TPRG1: variants seen among roughly 807,000 people sequenced by gnomAD.
TPRG1 encodes the protein tumor protein p63-regulated gene 1 protein.
Under a neutral mutation model 29.3 loss-of-function variants are expected in TPRG1, and 29 were observed. The ratio of observed to expected loss-of-function variants is 0.99; its 90% confidence interval spans 0.74 to 1.35. TPRG1 has a LOEUF of 1.35. Ranked by LOEUF, TPRG1 falls within the 40% of genes most tolerant of loss-of-function variation. TPRG1 has a pLI of 0.00. For missense variants in TPRG1, 327 were observed against 335.0 expected (o/e 0.98, Z 0.19); for synonymous variants, 130 against 116.8 (o/e 1.11, Z -0.73).
chr3:189,185,282 A>T (rs1361475850), intron 1 of TPRG1, among the ~76,000 whole-genome samples: 1 of 151,974 alleles, frequency 6.6e-6, no homozygotes, highest in Non-Finnish European at 1.5e-5. Flanking sequence ...GGAGTGCAGT[A>T]GCACAATCAC....
At chr3:189,272,897 C>CAGAA (rs1473520650) in intron 4 of TPRG1, among the ~76,000 whole-genome samples, 1 of 152,066 alleles carries the variant, frequency 6.6e-6, no homozygotes, top group Non-Finnish European at 1.5e-5. Flanking sequence ...GCTAGAGACT[C>CAGAA]TTCTATTTCT....
At chr3:189,296,209 T>C (rs1023630058) in intron 4 of TPRG1, among the ~76,000 whole-genome samples, 3 of 152,212 alleles carry the variant, frequency 2.0e-5, no homozygotes, top group Admixed American at 2.0e-4. Context: ...TTGTGAAAGA[T>C]CAGGTGCCAA....
intron 4 of TPRG1, among the ~76,000 whole-genome samples, chr3:189,305,308 A>G (rs1266497833): frequency 6.6e-6 from 1 of 152,232 alleles, no homozygotes; most frequent in Non-Finnish European, 1.5e-5. Flanking sequence ...ACTGACTGGC[A>G]TATTTTCTAG....
chr3:189,195,264 CT>C (rs1423611696), intron 1 of TPRG1, among the ~76,000 whole-genome samples: 3 of 152,072 alleles, frequency 2.0e-5, no homozygotes, highest in Non-Finnish European at 4.4e-5. Flanking sequence ...AAGGGAACTA[CT>C]TCAATTTAGA....
At chr3:189,106,369 A>C (rs371667719) in intron 1 of TPRG1, among the ~76,000 whole-genome samples, 1 of 152,076 alleles carries the variant, frequency 6.6e-6, no homozygotes, top group East Asian at 1.9e-4. Context: ...CAAATCTCTG[A>C]AAAGCTTTTT....
rs747043329 is a variant in TPRG1 at position 189,215,301 on chromosome 3, A to G, written c.220A>G (p.Ile74Val). ...RKYFATRPGA[I>V]ETAMEDLKGH... ...TCTCCTTTCCACACAGCCGGGGGCC[A>G]TTGAGACTGCCATGGAAGACTTGAA... The change falls in exon 3 of 6, where the codon ATT becomes GTT. Residue 74 changes from isoleucine (I) to valine (V), a missense_variant. Transcript: ENST00000345063. The G allele has an allele frequency of 3.7e-6, 6 of 1,612,422 alleles. No homozygotes were observed. The highest frequency in any genetic ancestry group is 5.1e-6 in the Non-Finnish European group (6 of 1,179,322).
At chr3:189,217,376 A>G (rs1736232010) in intron 3 of TPRG1, among the ~76,000 whole-genome samples, 2 of 152,172 alleles carry the variant, frequency 1.3e-5, no homozygotes, top group South Asian at 4.1e-4. Context: ...TGTGGTACCT[A>G]TTTAAATTAA....
chr3:189,227,009 A>C (rs192786998), intron 3 of TPRG1, among the ~76,000 whole-genome samples: 1 of 152,030 alleles, frequency 6.6e-6, no homozygotes, highest in South Asian at 2.1e-4. Flanking sequence ...TACTCACTCA[A>C]CATGAAAGAA....
rs1189724629 is a variant in TPRG1 at position 189,009,905 on chromosome 3, C to A, written c.-660+5145C>A. ...GCAGATCATCCCATCACCCAGGTAT[C>A]AAGCCCAGCATCCACTAGCTATTTT... On this transcript the variant is annotated intron_variant, in intron 3 of 10. Transcript: ENST00000433971. Among the ~76,000 whole-genome samples, 5 of 151,988 alleles carry A rather than the reference C, an allele frequency of 3.3e-5. No individual in the cohort carries two copies. The East Asian group carries it at 7.8e-4, about 24-fold the overall frequency.
intron 3 of TPRG1, among the ~76,000 whole-genome samples, chr3:189,135,736 A>G (rs1432966272): frequency 6.6e-6 from 1 of 152,210 alleles, no homozygotes; most frequent in Non-Finnish European, 1.5e-5. Context: ...TCCTCAGAGC[A>G]TCTTCTGGAA....
intron 4 of TPRG1, among the ~76,000 whole-genome samples, chr3:189,239,805 G>A (rs1376707741): frequency 6.6e-6 from 1 of 152,172 alleles, no homozygotes; most frequent in African/African-American, 2.4e-5. Context: ...GTGGTGAGGT[G>A]TGTCAACTGT....
intron 3 of TPRG1, among the ~76,000 whole-genome samples, chr3:189,020,586 G>T (rs1031502318): frequency 6.6e-6 from 1 of 151,560 alleles, no homozygotes; most frequent in African/African-American, 2.4e-5. Context: ...TTGCACTGAG[G>T]TCTGAGAGAT....
intron 1 of TPRG1, among the ~76,000 whole-genome samples, chr3:189,177,270 G>C (rs1367005469): frequency 6.6e-6 from 1 of 152,046 alleles, no homozygotes; most frequent in Non-Finnish European, 1.5e-5. Context: ...AATAAGTTTT[G>C]AAGGAGTATT....
intron 1 of TPRG1, among the ~76,000 whole-genome samples, chr3:189,107,870 T>C (rs1176766801): frequency 1.3e-5 from 2 of 152,194 alleles, no homozygotes; most frequent in African/African-American, 4.8e-5. Flanking sequence ...TTTGATTCAT[T>C]ATGGAAGAGA....
intron 4 of TPRG1, among the ~76,000 whole-genome samples, chr3:189,300,022 A>G (rs544629833): frequency 6.6e-6 from 1 of 152,344 alleles, no homozygotes; most frequent in African/African-American, 2.4e-5. Context: ...AGCAAGGTAG[A>G]GAGCAGATTA....
chr3:189,292,292 C>CTTTT (rs11459415), intron 4 of TPRG1, among the ~76,000 whole-genome samples: 2 of 114,912 alleles, frequency 1.7e-5, no homozygotes. Context: ...GAAGTTTTTG[C>CTTTT]TTTTTTTTTT....
At chr3:189,139,102 T>C (rs1188912711) in intron 3 of TPRG1, among the ~76,000 whole-genome samples, 2 of 152,188 alleles carry the variant, frequency 1.3e-5, no homozygotes, top group East Asian at 3.9e-4. Flanking sequence ...ACCATGTGGT[T>C]TACTGTATGC....
At chr3:189,222,566 C>T (rs1737102188) in intron 3 of TPRG1, among the ~76,000 whole-genome samples, 1 of 152,170 alleles carries the variant, frequency 6.6e-6, no homozygotes, top group Non-Finnish European at 1.5e-5. Context: ...CCCTAGTTCT[C>T]ATCCCAGCCA....
intron 4 of TPRG1, among the ~76,000 whole-genome samples, chr3:189,089,596 G>T (rs1479846947): frequency 6.6e-6 from 1 of 152,070 alleles, no homozygotes; most frequent in African/African-American, 2.4e-5. Context: ...TGCTGGTGGG[G>T]ACTCTGCAGA....
Sources: gnomAD v4.1 joint callset for allele counts (sites outside exome capture counted in the v4.1 genomes callset) on GRCh38, gnomAD v4.1.1 for gene constraint, MANE v1.5 for transcripts, NCBI Gene and HGNC (gene_info 2026-07-23, HGNC 2026-07-21) for gene names.